The following CSMD1 variants were observed in gnomAD, a reference collection of about 807,000 sequenced individuals.
The protein encoded by CSMD1 is CUB and sushi domain-containing protein 1.
CSMD1 carries 213 observed loss-of-function variants against 417.5 expected under a neutral mutation model. The observed-to-expected ratio is 0.51, with a 90% CI of 0.46 to 0.57. The LOEUF (loss-of-function observed/expected upper bound fraction) is 0.57, where lower values mean the gene tolerates loss of function less well. Ranked by LOEUF, CSMD1 falls within the 20% of genes least tolerant of loss-of-function variation. The probability of loss-of-function intolerance (pLI) is 0.00; values close to 1 mark genes in which losing one functional copy is unlikely to be tolerated. For missense variants in CSMD1, 6,923 were observed against 4,529.7 expected (o/e 1.53, Z -15.17); for synonymous variants, 2,862 against 1,736.8 (o/e 1.65, Z -16.11).
chr8:3,757,239 T>A (rs1312822036), intron 5 of CSMD1, among the ~76,000 whole-genome samples: 1 of 152,198 alleles, frequency 6.6e-6, no homozygotes, highest in African/African-American at 2.4e-5. Flanking sequence ...GATAGTTTTG[T>A]GTCAGTCAAC....
At chr8:4,337,254 A>G (rs1199706271) in intron 3 of CSMD1, among the ~76,000 whole-genome samples, 1 of 152,098 alleles carries the variant, frequency 6.6e-6, no homozygotes, top group African/African-American at 2.4e-5. Context: ...GATAAAACAT[A>G]GCATCATGGC....
At chr8:4,103,510 A>C (rs1393955271) in intron 3 of CSMD1, among the ~76,000 whole-genome samples, 1 of 151,218 alleles carries the variant, frequency 6.6e-6, no homozygotes, top group African/African-American at 2.4e-5. Flanking sequence ...ATATAAATAT[A>C]TATAAATGTA....
At chr8:4,733,911 C>A (rs758476950) in intron 1 of CSMD1, among the ~76,000 whole-genome samples, 1 of 152,042 alleles carries the variant, frequency 6.6e-6, no homozygotes, top group African/African-American at 2.4e-5. Flanking sequence ...TGGAAAAAAA[C>A]AGACAAGGAT....
rs550537709 is a variant in CSMD1 at position 3,639,099 on chromosome 8, T to C, written c.1010-22302A>G. On this transcript the variant is annotated intron_variant, in intron 7 of 69. Transcript: ENST00000635120. ...TCTCAACTTCCACAAATTGGAAAAA[T>C]GCAAAGGACTTCATTCTAGCAAAAG... Among the ~76,000 whole-genome samples, 30 of 152,294 alleles carry C rather than the reference T, an allele frequency of 2.0e-4. 1 individual carries two copies. The South Asian group carries it at 5.2e-3, about 26-fold the overall frequency.
At chr8:4,260,994 C>T (rs566578004) in intron 3 of CSMD1, among the ~76,000 whole-genome samples, 1 of 152,288 alleles carries the variant, frequency 6.6e-6, no homozygotes, top group Non-Finnish European at 1.5e-5. Flanking sequence ...AACAACGTAT[C>T]ATTCAATTAA....
intron 1 of CSMD1, among the ~76,000 whole-genome samples, chr8:4,700,288 T>C (rs1214037025): frequency 6.6e-6 from 1 of 152,072 alleles, no homozygotes; most frequent in Non-Finnish European, 1.5e-5. Context: ...TTGTGAGTAT[T>C]ATAAACCAAC....
intron 5 of CSMD1, among the ~76,000 whole-genome samples, chr8:3,898,544 T>A (rs1420325640): frequency 6.6e-6 from 1 of 152,226 alleles, no homozygotes; most frequent in Non-Finnish European, 1.5e-5. Flanking sequence ...GTTGTCACAA[T>A]AAACATAAAT....
chr8:3,160,671 C>A (rs1819831047), intron 38 of CSMD1, among the ~76,000 whole-genome samples: 1 of 152,164 alleles, frequency 6.6e-6, no homozygotes, highest in African/African-American at 2.4e-5. Flanking sequence ...ACGAAGGTGG[C>A]TTTATACATT....
At chr8:3,580,375 T>G (rs943991338) in intron 9 of CSMD1, among the ~76,000 whole-genome samples, 15 of 151,994 alleles carry the variant, frequency 9.9e-5, no homozygotes, top group Admixed American at 6.6e-5. Context: ...ACGGCATAAA[T>G]GGACAGTCAC....
chr8:4,367,987 T>A (rs557552493), intron 3 of CSMD1, among the ~76,000 whole-genome samples: 2 of 152,154 alleles, frequency 1.3e-5, no homozygotes, highest in Non-Finnish European at 2.9e-5. Flanking sequence ...TAGAGTTACA[T>A]TGTCAGTGAA....
intron 8 of CSMD1, among the ~76,000 whole-genome samples, chr8:3,609,120 C>G (rs1349562836): frequency 6.6e-6 from 1 of 152,198 alleles, no homozygotes; most frequent in African/African-American, 2.4e-5. Flanking sequence ...CCAGCTCTGA[C>G]TCTGACAAGA....
chr8:3,268,287 C>CTTTTTTTTTTTTTTTTTTTTTTT lies in CSMD1; in HGVS notation c.4153+15856_4153+15857insAAAAAAAAAAAAAAAAAAAAAAA, dbSNP rs1172040830. On this transcript the variant is annotated intron_variant, in intron 26 of 69. Coordinates refer to ENST00000635120, the MANE Select transcript of CSMD1 (RefSeq NM_033225.6). ...AGGGTGTGGTCAGATGGTTCATTTCCTATTTTTTTTTTTTTTTTTTTTTTT... is the reference window on the plus strand; with the variant it reads ...AGGGTGTGGTCAGATGGTTCATTTCCTTTTTTTTTTTTTTTTTTTTTTTTATTTTTTTTTTTTTTTTTTTTTTT... Among the ~76,000 whole-genome samples, 3 of 114,650 alleles carry CTTTTTTTTTTTTTTTTTTTTTTT rather than the reference C, an allele frequency of 2.6e-5. 1 individual carries two copies. The highest frequency in any genetic ancestry group is 3.5e-5 in the African/African-American group (1 of 28,786). 75.2% of individuals were successfully genotyped at this position (114,650 alleles called of 152,430 possible).
chr8:3,622,711 C>T (rs1259533145), intron 7 of CSMD1, among the ~76,000 whole-genome samples: 1 of 152,124 alleles, frequency 6.6e-6, no homozygotes, highest in Non-Finnish European at 1.5e-5. Context: ...GGAGTTGTTT[C>T]GTGTGATAAA....
chr8:3,826,185 C>G (rs1430232919), intron 5 of CSMD1, among the ~76,000 whole-genome samples: 2 of 151,960 alleles, frequency 1.3e-5, no homozygotes, highest in Non-Finnish European at 2.9e-5. Flanking sequence ...GTTGAAAGCC[C>G]TGTGGAGGCC....
At chr8:4,261,858 C>G (rs2128841983) in intron 3 of CSMD1, among the ~76,000 whole-genome samples, 1 of 152,044 alleles carries the variant, frequency 6.6e-6, no homozygotes, top group South Asian at 2.1e-4. Flanking sequence ...TCATTATACC[C>G]TAATGAAACT....
intron 3 of CSMD1, among the ~76,000 whole-genome samples, chr8:4,092,439 A>G (rs1800770007): frequency 6.6e-6 from 1 of 152,240 alleles, no homozygotes; most frequent in Non-Finnish European, 1.5e-5. Flanking sequence ...AGACTATATT[A>G]TGACCATATT....
chr8:3,695,968 G>C (rs937902329), intron 7 of CSMD1, among the ~76,000 whole-genome samples: 1 of 152,166 alleles, frequency 6.6e-6, no homozygotes, highest in Non-Finnish European at 1.5e-5. Flanking sequence ...TACACTTGAA[G>C]ATATGGGATA....
chr8:4,410,803 A>G (rs1287919091), intron 3 of CSMD1, among the ~76,000 whole-genome samples: 1 of 152,190 alleles, frequency 6.6e-6, no homozygotes. Flanking sequence ...CCCCTCTGCA[A>G]TGGTTTGAAT....
At chr8:4,073,462 C>G (rs1172864364) in intron 3 of CSMD1, among the ~76,000 whole-genome samples, 2 of 152,102 alleles carry the variant, frequency 1.3e-5, no homozygotes, top group Non-Finnish European at 2.9e-5. Context: ...TACTTAGATT[C>G]TATTTTCTCC....
Sources: allele counts gnomAD v4.1 joint callset (sites outside exome capture counted in the v4.1 genomes callset), GRCh38; gene constraint gnomAD v4.1.1; transcripts MANE v1.5; gene names NCBI Gene and HGNC (gene_info 2026-07-23, HGNC 2026-07-21).